The following RBFOX1 variants were observed in gnomAD, a reference collection of about 807,000 sequenced individuals.
The protein encoded by RBFOX1 is RNA binding protein fox-1 homolog 1.
In RBFOX1, 8 loss-of-function variants were observed where a neutral mutation model predicts 57.7. That is an observed-to-expected ratio of 0.14 (90% confidence interval 0.08 to 0.25). The LOEUF is 0.25. Ranked by LOEUF, RBFOX1 falls within the 10% of genes least tolerant of loss-of-function variation. The probability of loss-of-function intolerance (pLI) is 1.00; values close to 1 mark genes in which losing one functional copy is unlikely to be tolerated. For missense variants in RBFOX1, 611 were observed against 548.5 expected, an observed-to-expected ratio of 1.11 and a Z score of -1.14; for synonymous variants, 326 against 222.4, an observed-to-expected ratio of 1.47 and a Z score of -4.15.
At chr16:5,763,887 C>G (rs905701155) in intron 3 of RBFOX1, among the ~76,000 whole-genome samples, 3 of 152,208 alleles carry the variant, frequency 2.0e-5, no homozygotes, top group Admixed American at 6.5e-5. Context: ...TTTCCCAGAT[C>G]TCTTTTTTAT....
chr16:7,169,883 C>A (rs531082969), intron 4 of RBFOX1, among the ~76,000 whole-genome samples: 1 of 151,988 alleles, frequency 6.6e-6, no homozygotes, highest in African/African-American at 2.4e-5. Context: ...CCTGCCCTGG[C>A]AACGTGGCAA....
chr16:6,867,581 T>G (rs1407338587), intron 3 of RBFOX1, among the ~76,000 whole-genome samples: 1 of 152,048 alleles, frequency 6.6e-6, no homozygotes, highest in East Asian at 1.9e-4. Context: ...TAGCCAGGCG[T>G]GGTGGTACCG....
chr16:5,743,760 C>G (rs1247173396), intron 3 of RBFOX1, among the ~76,000 whole-genome samples: 1 of 152,102 alleles, frequency 6.6e-6, no homozygotes, highest in Non-Finnish European at 1.5e-5. Flanking sequence ...CCTGGCTTGT[C>G]TGAAACTCCT....
intron 3 of RBFOX1, among the ~76,000 whole-genome samples, chr16:6,952,064 T>G (rs1045059803): frequency 5.3e-5 from 8 of 152,210 alleles, no homozygotes; most frequent in African/African-American, 1.9e-4. Context: ...ACGTGGTTGA[T>G]CAGATACATG....
At chr16:5,637,861 G>C (rs980246595) in intron 3 of RBFOX1, among the ~76,000 whole-genome samples, 1 of 152,146 alleles carries the variant, frequency 6.6e-6, no homozygotes, top group Admixed American at 6.5e-5. Flanking sequence ...CTCTCCTACC[G>C]CCTTAGGTGA....
intron 3 of RBFOX1, among the ~76,000 whole-genome samples, chr16:5,614,595 A>G (rs897631171): frequency 6.6e-5 from 10 of 152,148 alleles, no homozygotes; most frequent in Non-Finnish European, 1.0e-4. Flanking sequence ...TCAGAGGTAT[A>G]TTTATTATAG....
At chr16:7,657,436 C>G (rs1462030470) in intron 12 of RBFOX1, among the ~76,000 whole-genome samples, 2 of 152,164 alleles carry the variant, frequency 1.3e-5, no homozygotes, top group African/African-American at 4.8e-5. Flanking sequence ...TCCTAAGTAG[C>G]TGGGATTACA....
In RBFOX1 at chr16:7,221,564, A is replaced by T. The variant is rs550467575; in HGVS notation, c.27+169466A>T. Among the ~76,000 whole-genome samples the T allele has an allele frequency of 1.3e-3, 201 of 152,216 alleles. 3 individuals carry two copies. Among genetic ancestry groups the T allele is most frequent in the Non-Finnish European group, 2.7e-3 (186 of 68,012 alleles). Reference sequence around the variant, plus strand: ...GTATTTTTAGTAGAGAAGGGGTCGCACCATGTTGGCCAGGGTAGTCTTGAA... The same window carrying T: ...GTATTTTTAGTAGAGAAGGGGTCGCTCCATGTTGGCCAGGGTAGTCTTGAA... On this transcript the variant is annotated intron_variant, in intron 4 of 15. Transcript: ENST00000550418.
At chr16:7,617,858 C>G (rs749460096) in intron 10 of RBFOX1, among the ~76,000 whole-genome samples, 1 of 152,052 alleles carries the variant, frequency 6.6e-6, no homozygotes, top group Non-Finnish European at 1.5e-5. Context: ...CATGAGGAGT[C>G]AAGGGGGTGG....
intron 1 of RBFOX1, among the ~76,000 whole-genome samples, chr16:6,024,841 C>CAAGCACTATT (rs2152368401): frequency 6.6e-6 from 1 of 152,334 alleles, no homozygotes; most frequent in African/African-American, 2.4e-5. Flanking sequence ...CACTGTGTGC[C>CAAGCACTATT]AAGCACTATT....
At chr16:7,333,953 T>G (rs2096738416) in intron 4 of RBFOX1, among the ~76,000 whole-genome samples, 1 of 152,274 alleles carries the variant, frequency 6.6e-6, no homozygotes, top group East Asian at 1.9e-4. Flanking sequence ...TGCAATAAAT[T>G]CTGTATCTCC....
chr16:6,112,351 A>C (rs1190756024), intron 1 of RBFOX1, among the ~76,000 whole-genome samples: 1 of 152,184 alleles, frequency 6.6e-6, no homozygotes, highest in Non-Finnish European at 1.5e-5. Context: ...ATCAAAGTTT[A>C]CCTTGACATG....
chr16:6,246,412 G>A (rs1276728616), intron 1 of RBFOX1, among the ~76,000 whole-genome samples: 1 of 152,078 alleles, frequency 6.6e-6, no homozygotes, highest in East Asian at 1.9e-4. Context: ...TTCCCCAAAA[G>A]CAAGGGATTG....
intron 2 of RBFOX1, among the ~76,000 whole-genome samples, chr16:5,546,006 G>T (rs968695953): frequency 1.3e-5 from 2 of 151,906 alleles, no homozygotes; most frequent in Admixed American, 1.3e-4. Context: ...TATACAAAAA[G>T]CCATTGTATT....
chr16:7,583,907 A>G (rs2093956411), intron 6 of RBFOX1, among the ~76,000 whole-genome samples: 1 of 152,202 alleles, frequency 6.6e-6, no homozygotes, highest in Non-Finnish European at 1.5e-5. Context: ...TATTGTCACA[A>G]AAAAACAGAT....
intron 4 of RBFOX1, among the ~76,000 whole-genome samples, chr16:7,470,017 GTTT>G (rs35706487): frequency 7.0e-6 from 1 of 143,222 alleles, no homozygotes. Context: ...GCATGGGTCA[GTTT>G]TTTTTTTTTT....
intron 3 of RBFOX1, among the ~76,000 whole-genome samples, chr16:5,741,959 T>C (rs1246756161): frequency 3.9e-5 from 6 of 152,224 alleles, no homozygotes; most frequent in African/African-American, 9.6e-5. Context: ...GATAATGCTA[T>C]CATTGACTAG....
intron 2 of RBFOX1, among the ~76,000 whole-genome samples, chr16:6,636,813 AATATATAATATATG>A (rs2098438638): frequency 9.0e-5 from 4 of 44,242 alleles, no homozygotes; most frequent in South Asian, 1.2e-3. Context: ...TATAATATAT[AATATATAATATATG>A]TTATATATAA....
At chr16:6,490,540 A>G (rs56221179) in intron 2 of RBFOX1, among the ~76,000 whole-genome samples, 30,023 of 152,196 alleles carry the variant, frequency 0.2, 2,980 homozygotes, top group Middle Eastern at 0.27. Context: ...AGTGTTAGGC[A>G]TAGGTATCTG....
Sources: gnomAD v4.1 joint callset for allele counts (sites outside exome capture counted in the v4.1 genomes callset) on GRCh38, gnomAD v4.1.1 for gene constraint, MANE v1.5 for transcripts, NCBI Gene and HGNC (gene_info 2026-07-23, HGNC 2026-07-21) for gene names.